SYCE1: variants seen among roughly 807,000 people sequenced by gnomAD.
The protein encoded by SYCE1 is synaptonemal complex central element protein 1, also known as cancer/testis antigen 76.
Under a neutral mutation model 55.1 loss-of-function variants are expected in SYCE1, and 37 were observed. The observed-to-expected ratio is 0.67, with a 90% CI of 0.52 to 0.88. The LOEUF is 0.88. Among genes scored for constraint, SYCE1 ranks in the 40% least tolerant of loss-of-function variants. SYCE1 has a pLI of 0.00. For missense variants in SYCE1, 399 were observed against 416.4 expected (o/e 0.96, Z 0.36); for synonymous variants, 163 against 159.4 (o/e 1.02, Z -0.17).
At chr10:133,557,023 A>G (rs746668258) in intron 7 of SYCE1, 44 bp downstream of exon 7, 11 of 1,581,362 alleles carry the variant, frequency 7.0e-6, no homozygotes, top group Non-Finnish European at 9.6e-6. Flanking sequence ...TTATATCCCA[A>G]CTACTGGCCA....
At chr10:133,561,272 G>C (rs1323497174) in intron 1 of SYCE1, 1 of 152,160 alleles carries the variant, frequency 6.6e-6, no homozygotes, top group Non-Finnish European at 1.5e-5. Flanking sequence ...AAGGGATTCT[G>C]AGTAGAGGTG....
chr10:133,566,216 G>A (rs1203167036), upstream of SYCE1, among the ~76,000 whole-genome samples: 1 of 152,220 alleles, frequency 6.6e-6, no homozygotes, highest in African/African-American at 2.4e-5. Flanking sequence ...AGAGGCTTTC[G>A]GGAGAACCCA....
At chr10:133,558,331 A>AC (rs35408926) in intron 4 of SYCE1, 117 bp from the exon 5 acceptor site, 120,301 of 1,148,972 alleles carry the variant, frequency 0.1, 7,870 homozygotes, top group East Asian at 0.27. Flanking sequence ...CCAAATGTGA[A>AC]CCCTTGAGGT....
chr10:133,556,136 C>T (rs1278210500), intron 8 of SYCE1, 89 bp from the exon 9 acceptor site: 1 of 1,452,876 alleles, frequency 6.9e-7, no homozygotes, highest in African/African-American at 1.4e-5. Flanking sequence ...CATACTTACT[C>T]ACTATGCCTC....
At chr10:133,554,187 G>A (rs747159375), downstream of SYCE1, 19 of 1,020,118 alleles carry the variant, frequency 1.9e-5, no homozygotes, top group Admixed American at 3.0e-4. Context: ...ATGATTAACT[G>A]CATCTTAGAG....
At chr10:133,555,251 C>T in intron 12 of SYCE1, 100 bp downstream of exon 12, 2 of 1,579,002 alleles carry the variant, frequency 1.3e-6, no homozygotes, top group Non-Finnish European at 1.7e-6. Context: ...CATAGACCAT[C>T]CTCTGAGGAG....
intron 9 of SYCE1, 32 bp from the exon 10 acceptor site, chr10:133,555,935 A>G (rs781737576): frequency 3.7e-6 from 6 of 1,613,526 alleles, no homozygotes; most frequent in Non-Finnish European, 5.1e-6. Context: ...GAGCACATGA[A>G]GGCACGTGAG....
chr10:133,555,983 T>G lies in SYCE1; in HGVS notation c.593A>C (p.Glu198Ala), dbSNP rs764207990. 6.2e-7 allele frequency: 1 copy of G among 1,614,072 alleles called. No individual in the cohort carries two copies. Among genetic ancestry groups the G allele is most frequent in the African/African-American group, 1.3e-5 (1 of 74,930 alleles). The change falls in exon 9 of 13, where the codon GAA (glutamate) becomes GCA (alanine). Residue 198 changes from glutamate (E) to alanine (A), a missense_variant and splice_region_variant. Coordinates refer to ENST00000343131, the MANE Select transcript of SYCE1 (RefSeq NM_001143764.3). ...LDSSKEQLLKEEKLVKATLED... is the reference protein window; with the variant it reads ...LDSSKEQLLKAEKLVKATLED... ...CCATCCACCTTCCCTGGTCTCACCT[T>G]CCTTGAGCAGCTGCTCCTTGCTGCT...
Position 133,558,672 on chromosome 10 carries a change from CA to C in SYCE1, c.271+204del, listed in dbSNP as rs1331864401. 2.1e-4 allele frequency: 124 copies of C among 579,834 alleles called. 1 individual carries two copies. The South Asian group carries it at 2.4e-3, about 11-fold the overall frequency. 35.9% of individuals were successfully genotyped at this position (579,834 alleles called of 1,614,324 possible). On this transcript the variant is annotated intron_variant, in intron 4 of 12. Transcript: ENST00000343131. ...CTGAGGAAGCACAGACAGCGTCTGG[CA>C]AAAGCCCTGAGGTGGGAATGAGGTT...
intron 1 of SYCE1, among the ~76,000 whole-genome samples, chr10:133,561,580 C>T (rs944723599): frequency 1.3e-5 from 2 of 152,234 alleles, no homozygotes; most frequent in African/African-American, 4.8e-5. Flanking sequence ...TTTCCTGCTT[C>T]TAAGATGATA....
intron 7 of SYCE1, 102 bp downstream of exon 7, chr10:133,556,965 A>C: frequency 2.7e-6 from 4 of 1,485,140 alleles, no homozygotes; most frequent in Non-Finnish European, 3.8e-6. Flanking sequence ...ACCACCTTGA[A>C]TCTCCATGGC....
At chr10:133,554,261 A>AC (rs752542410), downstream of SYCE1, 11 of 1,611,162 alleles carry the variant, frequency 6.8e-6, 1 homozygote, top group South Asian at 1.2e-4. Context: ...TTTTCCATGG[A>AC]AACAGTGCTC....
chr10:133,556,695 CCGTT>C lies in SYCE1; in HGVS notation c.528+60_528+63del, dbSNP rs1395735284. On this transcript the variant is annotated intron_variant, in intron 8 of 12. Transcript: ENST00000343131. ...TGTGGCAGGTGAGAGGAAGAAGTGA[CCGTT>C]TGGGCCTGGTGCTGCTAGGGAAGAT... 3 of 1,513,546 alleles carry C rather than the reference CCGTT, an allele frequency of 2.0e-6. No homozygotes were observed. In the African/African-American group the frequency reaches 4.1e-5, roughly 21 times the overall value. The allele number at this position is 1,513,546 out of a possible 1,614,324, so 93.8% of individuals were successfully genotyped here.
At chr10:133,566,989 G>A (rs77237195), upstream of SYCE1, among the ~76,000 whole-genome samples, 385 of 151,840 alleles carry the variant, frequency 2.5e-3, no homozygotes, top group Non-Finnish European at 4.3e-3. Context: ...TAGGGGTAGC[G>A]TTGTGTGTTA....
upstream of SYCE1, chr10:133,567,678 C>A (rs1442035830): frequency 8.4e-5 from 16 of 190,196 alleles, no homozygotes; most frequent in African/African-American, 3.5e-4. Context: ...GGTCACCTCC[C>A]TGTCCATGGG....
At chr10:133,557,314 C>T (rs1244686271) in intron 6 of SYCE1, 158 bp from the exon 7 acceptor site, 1 of 659,592 alleles carries the variant, frequency 1.5e-6, no homozygotes, top group Non-Finnish European at 2.7e-6. Flanking sequence ...GACCATTTGC[C>T]CCCTGGAAGT....
chr10:133,554,267 T>G (rs747259286), downstream of SYCE1: 2 of 1,612,352 alleles, frequency 1.2e-6, no homozygotes, highest in Admixed American at 1.7e-5. Flanking sequence ...ATGGAAACAG[T>G]GCTCTGCAGT....
rs1388561343 is a variant in SYCE1 at position 133,555,397 on chromosome 10, G to A, written c.872C>T (p.Ala291Val). The change falls in exon 12 of 13, where the codon GCC becomes GTC. Residue 291 changes from alanine (A) to valine (V), a missense_variant. Ala to Val is a moderately conservative substitution (Grantham distance 64, BLOSUM62 0). Coordinates refer to ENST00000343131, the MANE Select transcript of SYCE1 (RefSeq NM_001143764.3). ...TTCCTCTTGTGTGCTCTGGGCTTGGGCAGGGACTTGCATTCCATGCTTTTC... is the reference window on the plus strand; with the variant it reads ...TTCCTCTTGTGTGCTCTGGGCTTGGACAGGGACTTGCATTCCATGCTTTTC... ...ELEKHGMQVP[A>V]QAQSTQEEEA... The A allele has an allele frequency of 6.2e-7, 1 of 1,614,126 alleles. No homozygotes were observed. The highest frequency in any genetic ancestry group is 1.1e-5 in the South Asian group (1 of 91,076).
chr10:133,557,793 T>C, intron 6 of SYCE1, 71 bp downstream of exon 6: 1 of 1,551,464 alleles, frequency 6.4e-7, no homozygotes. Flanking sequence ...CTCAGATTCA[T>C]CTTCCTGCCT....
Sources: gnomAD v4.1 joint callset for allele counts (sites outside exome capture counted in the v4.1 genomes callset) on GRCh38, gnomAD v4.1.1 for gene constraint, MANE v1.5 for transcripts, NCBI Gene and HGNC (gene_info 2026-07-23, HGNC 2026-07-21) for gene names.